The following SAMMSON variants were observed in gnomAD, a reference collection of about 807,000 sequenced individuals.
SAMMSON encodes the protein survival associated mitochondrial melanoma specific oncogenic non-coding RNA, also known as long intergenic non-protein coding RNA 1212.
intron 6 of SAMMSON, among the ~76,000 whole-genome samples, chr3:70,268,148 G>T (rs1224105399): frequency 6.6e-6 from 1 of 151,532 alleles, no homozygotes; most frequent in African/African-American, 2.4e-5. Context: ...ATATACTCCT[G>T]CCCCCACACA....
chr3:70,302,029 C>T (rs1013346566), intron 7 of SAMMSON, among the ~76,000 whole-genome samples: 3 of 152,072 alleles, frequency 2.0e-5, no homozygotes, highest in Non-Finnish European at 4.4e-5. Flanking sequence ...AAATTTAGCT[C>T]AAGAAGAAGA....
At chr3:70,280,794 G>A (rs1011445792) in intron 6 of SAMMSON, among the ~76,000 whole-genome samples, 1 of 152,084 alleles carries the variant, frequency 6.6e-6, no homozygotes, top group African/African-American at 2.4e-5. Flanking sequence ...GACCTAACTT[G>A]TTTGACTGTA....
intron 6 of SAMMSON, chr3:70,291,129 A>G (rs939026143): frequency 1.3e-5 from 2 of 152,204 alleles, no homozygotes; most frequent in African/African-American, 4.8e-5. Flanking sequence ...CATTGAAAGC[A>G]GTTTTACCAT....
At chr3:70,259,838 G>T (rs1701849154) in intron 6 of SAMMSON, among the ~76,000 whole-genome samples, 1 of 152,100 alleles carries the variant, frequency 6.6e-6, no homozygotes, top group Non-Finnish European at 1.5e-5. Context: ...CAGCACAGCT[G>T]GGGAGGTCTC....
intron 7 of SAMMSON, among the ~76,000 whole-genome samples, chr3:70,343,956 T>G (rs1372134976): frequency 6.6e-6 from 1 of 151,628 alleles, no homozygotes; most frequent in Non-Finnish European, 1.5e-5. Context: ...GTTGCTCAAA[T>G]TGTTCTATCT....
At chr3:70,169,249 A>C (rs771199350) in intron 4 of SAMMSON, among the ~76,000 whole-genome samples, 6 of 152,066 alleles carry the variant, frequency 3.9e-5, no homozygotes, top group Non-Finnish European at 8.8e-5. Context: ...GGAAAATATC[A>C]TTTGAAAAAG....
At chr3:70,145,141 C>T (rs929821446) in intron 4 of SAMMSON, among the ~76,000 whole-genome samples, 11 of 152,164 alleles carry the variant, frequency 7.2e-5, no homozygotes, top group South Asian at 4.1e-4. Context: ...AAACCCAATG[C>T]GATTATTATC....
intron 4 of SAMMSON, among the ~76,000 whole-genome samples, chr3:70,112,039 A>T (rs1299383048): frequency 6.6e-6 from 1 of 152,306 alleles, no homozygotes; most frequent in East Asian, 1.9e-4. Flanking sequence ...ATTATAGTTG[A>T]TAATGTGAAC....
At chr3:70,430,778 G>T (rs1002715327) in intron 2 of SAMMSON, among the ~76,000 whole-genome samples, 3 of 152,086 alleles carry the variant, frequency 2.0e-5, no homozygotes, top group Non-Finnish European at 4.4e-5. Flanking sequence ...GATTAATCAA[G>T]AATTTGGTTG....
intron 7 of SAMMSON, among the ~76,000 whole-genome samples, chr3:70,339,785 A>G (rs1243044170): frequency 6.6e-6 from 1 of 152,156 alleles, no homozygotes; most frequent in African/African-American, 2.4e-5. Context: ...GAGAAATAGG[A>G]ACACTTTTAC....
chr3:70,257,879 G>T (rs1701831567), intron 6 of SAMMSON, among the ~76,000 whole-genome samples: 1 of 152,114 alleles, frequency 6.6e-6, no homozygotes, highest in African/African-American at 2.4e-5. Flanking sequence ...TTCCAAAGTT[G>T]CAATAAAGCT....
intron 4 of SAMMSON, among the ~76,000 whole-genome samples, chr3:70,124,124 C>T (rs754047326): frequency 1.3e-5 from 2 of 152,194 alleles, no homozygotes; most frequent in Admixed American, 6.5e-5. Flanking sequence ...GAATCGGTCA[C>T]TGTGATTATT....
intron 4 of SAMMSON, among the ~76,000 whole-genome samples, chr3:70,074,099 A>G (rs2067239752): frequency 1.3e-5 from 2 of 152,014 alleles, no homozygotes; most frequent in Admixed American, 1.3e-4. Context: ...AAAATAGTGA[A>G]TGATGATATT....
rs191415842 is a variant in SAMMSON at position 70,363,518 on chromosome 3, A to T, written n.913+5194A>T. On this transcript the variant is annotated intron_variant and non_coding_transcript_variant, in intron 9 of 9. Transcript: ENST00000642114. Reference sequence around the variant, plus strand: ...GGTACAACATCTACAGTCAAGAATCAGTAGCATTTCTATACACCAAAAAGA... The same window carrying T: ...GGTACAACATCTACAGTCAAGAATCTGTAGCATTTCTATACACCAAAAAGA... Among the ~76,000 whole-genome samples the T allele has an allele frequency of 1.8e-3, 277 of 152,222 alleles. 1 individual carries two copies. Among genetic ancestry groups the T allele is most frequent in the Middle Eastern group, 6.8e-3 (2 of 294 alleles).
downstream of SAMMSON, among the ~76,000 whole-genome samples, chr3:70,391,218 C>T (rs527281621): frequency 6.6e-6 from 1 of 152,208 alleles, no homozygotes; most frequent in South Asian, 2.1e-4. Flanking sequence ...AAGCAAATCT[C>T]TGTTGCTCTT....
intron 4 of SAMMSON, among the ~76,000 whole-genome samples, chr3:70,180,672 G>T (rs1701046393): frequency 6.6e-6 from 1 of 152,058 alleles, no homozygotes; most frequent in Admixed American, 6.5e-5. Context: ...AACAATTAGG[G>T]ATTACAGAAG....
At chr3:70,103,994 CTTTT>C (rs11357634) in intron 4 of SAMMSON, among the ~76,000 whole-genome samples, 1 of 138,710 alleles carries the variant, frequency 7.2e-6, no homozygotes. Context: ...TTCATTTAAG[CTTTT>C]TTTTTTTTTT....
chr3:70,138,052 T>C (rs1171402068), intron 4 of SAMMSON, among the ~76,000 whole-genome samples: 2 of 152,190 alleles, frequency 1.3e-5, no homozygotes, highest in African/African-American at 2.4e-5. Flanking sequence ...AGAAGAGGAA[T>C]TGCTGAATAA....
intron 4 of SAMMSON, among the ~76,000 whole-genome samples, chr3:70,148,791 A>G (rs928562336): frequency 6.6e-6 from 1 of 152,088 alleles, no homozygotes; most frequent in Non-Finnish European, 1.5e-5. Flanking sequence ...AACACCTCCT[A>G]CTAAGCCCCA....
Sources: allele counts gnomAD v4.1 joint callset (sites outside exome capture counted in the v4.1 genomes callset), GRCh38; gene constraint gnomAD v4.1.1; transcripts MANE v1.5; gene names NCBI Gene and HGNC (gene_info 2026-07-23, HGNC 2026-07-21).